The following SMPD3 variants were observed in gnomAD, a reference collection of about 807,000 sequenced individuals.
SMPD3 encodes the protein nSMase-2.
Under a neutral mutation model 55.7 loss-of-function variants are expected in SMPD3, and 21 were observed. The observed-to-expected ratio is 0.38, with a 90% CI of 0.27 to 0.54. The LOEUF is 0.54. Ranked by LOEUF, SMPD3 falls within the 20% of genes least tolerant of loss-of-function variation. SMPD3 has a pLI of 0.80. For missense variants in SMPD3, 842 were observed against 899.6 expected, an observed-to-expected ratio of 0.94 and a Z score of 0.82; for synonymous variants, 457 against 404.3, an observed-to-expected ratio of 1.13 and a Z score of -1.56.
intron 1 of SMPD3, among the ~76,000 whole-genome samples, chr16:68,412,370 A>G (rs1285592577): frequency 6.6e-6 from 1 of 152,210 alleles, no homozygotes; most frequent in African/African-American, 2.4e-5. Context: ...CCCACAAGTG[A>G]CCAAACCACC....
At chr16:68,424,776 T>G (rs1020216620) in intron 1 of SMPD3, among the ~76,000 whole-genome samples, 4 of 152,180 alleles carry the variant, frequency 2.6e-5, no homozygotes, top group Non-Finnish European at 4.4e-5. Flanking sequence ...AGTGGCATGA[T>G]CTCAGTTCAC....
In SMPD3 at chr16:68,371,770, G is replaced by A. The variant is rs145616324; in HGVS notation, c.412C>T (p.Leu138Phe). Residue 138 changes from leucine to phenylalanine, a missense_variant, in exon 3 of 9, where the codon CTC (leucine) becomes TTC (phenylalanine). By Grantham distance (22) the Leu-to-Phe change is conservative (BLOSUM62 0). This residue lies in a region of SMPD3 where 193 missense variants were observed against 256.0 expected (regional missense o/e 0.75). Coordinates refer to ENST00000219334, the MANE Select transcript of SMPD3 (RefSeq NM_018667.4). Reference protein sequence around the residue: ...TANVCLLPDSLARVNNLFNTQ... With the variant: ...TANVCLLPDSFARVNNLFNTQ... ...TTAAAAAGGTTGTTGACCCTGGCGA[G>A]TGAGTCGGGCAGGAGGCAGACGTTG... The A allele has an allele frequency of 1.5e-3, 2,421 of 1,611,134 alleles. 57 individuals carry two copies. The East Asian group carries it at 0.049, about 32-fold the overall frequency.
chr16:68,361,740 C>T lies in SMPD3; in HGVS notation c.1729G>A (p.Gly577Ser), dbSNP rs765258721. 10 of 1,612,694 alleles carry T rather than the reference C, an allele frequency of 6.2e-6. No homozygotes were observed. Among genetic ancestry groups the T allele is most frequent in the Admixed American group, 1.7e-5 (1 of 60,014 alleles). ...NLQKVLESEE[G>S]RREYLAFPTS... Reference sequence around the variant, plus strand: ...GGAAACGCCAGGTACTCCCTGCGGCCCTCCTCACTCTCCAGGACCCTGTCC... The same window carrying T: ...GGAAACGCCAGGTACTCCCTGCGGCTCTCCTCACTCTCCAGGACCCTGTCC... The change falls in exon 8 of 9, where the codon GGC becomes AGC. Residue 577 changes from glycine to serine, a missense_variant. By Grantham distance (56) the Gly-to-Ser change is moderately conservative. Coordinates refer to ENST00000219334, the MANE Select transcript of SMPD3 (RefSeq NM_018667.4).
chr16:68,395,334 C>T (rs1012554779), intron 1 of SMPD3, among the ~76,000 whole-genome samples: 1 of 152,204 alleles, frequency 6.6e-6, no homozygotes, highest in Non-Finnish European at 1.5e-5. Flanking sequence ...TCCAGAGTGG[C>T]CTCATTTCAC....
At chr16:68,385,562 C>T (rs2090038730) in intron 2 of SMPD3, among the ~76,000 whole-genome samples, 1 of 152,112 alleles carries the variant, frequency 6.6e-6, no homozygotes, top group Admixed American at 6.5e-5. Context: ...TTCTTCCATC[C>T]AGTCACCACC....
chr16:68,418,191 C>T (rs1239217673), intron 1 of SMPD3, among the ~76,000 whole-genome samples: 1 of 152,022 alleles, frequency 6.6e-6, no homozygotes, highest in African/African-American at 2.4e-5. Context: ...AAGATGCCTA[C>T]CCAGGCACCT....
At chr16:68,364,645 G>A (rs1024920482) in intron 5 of SMPD3, 106 bp downstream of exon 5, 183 of 1,293,118 alleles carry the variant, frequency 1.4e-4, no homozygotes, top group Non-Finnish European at 1.9e-4. Context: ...ACATGCTCTC[G>A]AGGAGCAGGA....
In SMPD3 at chr16:68,372,394, A is replaced by G; in HGVS notation, c.-206-7T>C. On this transcript the variant is annotated splice_polypyrimidine_tract_variant and splice_region_variant and intron_variant, in intron 2 of 8. Coordinates refer to ENST00000219334, the MANE Select transcript of SMPD3 (RefSeq NM_018667.4). ...CGGAGGCCTACTGCAGACCCTGCAG[A>G]GACAAAAGTAGGGGGACTGTTTTTA... is the stretch of plus-strand genomic sequence containing the variant. 1.6e-6 allele frequency: 1 copy of G among 619,340 alleles called. No homozygotes were observed. Among genetic ancestry groups the G allele is most frequent in the South Asian group, 2.0e-5 (1 of 51,266 alleles). The allele number at this position is 619,340 out of a possible 1,614,324, so 38.4% of individuals were successfully genotyped here.
intron 2 of SMPD3, among the ~76,000 whole-genome samples, chr16:68,374,977 G>A (rs2089773097): frequency 6.6e-6 from 1 of 152,228 alleles, no homozygotes; most frequent in Non-Finnish European, 1.5e-5. Flanking sequence ...AAAGGTCCAG[G>A]CCAGATTCTT....
At chr16:68,431,913 CTCTG>C (rs1371866315) in intron 1 of SMPD3, among the ~76,000 whole-genome samples, 3 of 151,962 alleles carry the variant, frequency 2.0e-5, no homozygotes, top group Non-Finnish European at 4.4e-5. Context: ...CAGAGCAAGA[CTCTG>C]TCTGAAAAAA....
In SMPD3 at chr16:68,358,646, A is replaced by AACTT. The variant is rs1338215910; in HGVS notation, c.*2556_*2559dup. 5.9e-5 allele frequency: 9 copies of AACTT among 152,668 alleles called. No homozygotes were observed. 9.5% of individuals were successfully genotyped at this position (152,668 alleles called of 1,614,324 possible). On this transcript the variant is annotated 3_prime_UTR_variant, in exon 9 of 9. Coordinates refer to ENST00000219334, the MANE Select transcript of SMPD3 (RefSeq NM_018667.4). ...AAAGCATCAAGATTAATATACTTAA[A>AACTT]ACTTAAGGTGGTTTTGGACAAATGA...
At chr16:68,376,952 G>A (rs1473479488) in intron 2 of SMPD3, among the ~76,000 whole-genome samples, 1 of 152,182 alleles carries the variant, frequency 6.6e-6, no homozygotes, top group African/African-American at 2.4e-5. Context: ...ACCTGGCCAG[G>A]CCCTGCTTCC....
In SMPD3 at chr16:68,404,264, C is replaced by G. The variant is rs938214013; in HGVS notation, c.-268-17605G>C. ...TACAGGCATGTGCTACCATGCCTGG[C>G]TAATTTTGTATTTTTAGTAGAGATG... On this transcript the variant is annotated intron_variant, in intron 1 of 8. Transcript: ENST00000219334. This position sits in a 1 kb window ranked among gnomAD's most constrained non-coding sequence, Gnocchi z 4.0. Among the ~76,000 whole-genome samples, 8 of 150,536 alleles carry G rather than the reference C, an allele frequency of 5.3e-5. No homozygotes were observed. The highest frequency in any genetic ancestry group is 1.0e-4 in the Non-Finnish European group (7 of 67,770).
chr16:68,421,567 C>T (rs2090394723), intron 1 of SMPD3, among the ~76,000 whole-genome samples: 1 of 152,220 alleles, frequency 6.6e-6, no homozygotes, highest in African/African-American at 2.4e-5. Context: ...CCCCAGTACA[C>T]CTGAAGAAGC....
intron 1 of SMPD3, among the ~76,000 whole-genome samples, chr16:68,414,939 G>T (rs1445351156): frequency 1.3e-5 from 2 of 152,138 alleles, no homozygotes; most frequent in African/African-American, 4.8e-5. Flanking sequence ...GGCCTAGCAG[G>T]GGGTCTTTCA....
At chr16:68,440,131 GA>G (rs766332034) in intron 1 of SMPD3, among the ~76,000 whole-genome samples, 94 of 152,194 alleles carry the variant, frequency 6.2e-4, no homozygotes, top group Non-Finnish European at 1.6e-4. Context: ...ACTGAATAAG[GA>G]TGGGGAATGA....
At chr16:68,387,657 A>G (rs936988398) in intron 1 of SMPD3, among the ~76,000 whole-genome samples, 40 of 152,284 alleles carry the variant, frequency 2.6e-4, no homozygotes, top group Admixed American at 1.4e-3. Flanking sequence ...CCCCTGCCCA[A>G]TGCCCAGCAC....
chr16:68,364,711 C>A, intron 5 of SMPD3, 40 bp downstream of exon 5: 3 of 1,586,688 alleles, frequency 1.9e-6, no homozygotes, highest in Admixed American at 1.7e-5. Flanking sequence ...CACAGCCTCC[C>A]CAGAGCTGGA....
intron 1 of SMPD3, among the ~76,000 whole-genome samples, chr16:68,427,329 G>A (rs2090443889): frequency 6.6e-6 from 1 of 152,220 alleles, no homozygotes; most frequent in Admixed American, 6.5e-5. Flanking sequence ...TGATTTCAGA[G>A]ATGATCTTAC....
Sources: gnomAD v4.1 joint callset for allele counts (sites outside exome capture counted in the v4.1 genomes callset) on GRCh38, gnomAD v4.1.1 for gene constraint, gnomAD v4.1.1 regional missense constraint, Gnocchi (gnomAD v3.1) non-coding constraint, MANE v1.5 for transcripts, NCBI Gene and HGNC (gene_info 2026-07-23, HGNC 2026-07-21) for gene names.